The following SCIMP variants were observed in gnomAD, a reference collection of about 807,000 sequenced individuals.
SCIMP encodes the protein SLP adapter and CSK-interacting membrane protein.
A neutral mutation model predicts 22.0 loss-of-function variants in SCIMP; 18 were observed. The ratio of observed to expected loss-of-function variants is 0.82; its 90% CI spans 0.56 to 1.21. The LOEUF is 1.21. SCIMP is among the 50% of genes most tolerant of loss of function. The pLI is 0.00. For synonymous variants in SCIMP, 53 were observed against 62.2 expected (o/e 0.85, Z 0.70); for missense variants, 155 against 171.2 (o/e 0.91, Z 0.53).
In SCIMP at chr17:5,214,905, TAC is replaced by T; in HGVS notation, c.283+18_283+19del. The T allele has an allele frequency of 8.8e-7, 1 of 1,132,012 alleles. No individual in the cohort carries two copies. Among genetic ancestry groups the T allele is most frequent in the Non-Finnish European group, 1.3e-6 (1 of 764,674 alleles). 70.1% of individuals were successfully genotyped at this position (1,132,012 alleles called of 1,614,324 possible). A position where few individuals can be genotyped will look rare whatever the true frequency, so the allele number is the denominator to read the frequency against. ...GTTATCTTACCCTAAATGAAACTGC[TAC>T]CAGTAAAATATACTTACAAGAGTCT... On this transcript the variant is annotated intron_variant, in intron 4 of 4. Coordinates refer to ENST00000574081, the MANE Select transcript of SCIMP (RefSeq NM_207103.3).
intron 3 of SCIMP, among the ~76,000 whole-genome samples, chr17:5,219,171 T>G (rs1279063733): frequency 1.3e-5 from 2 of 150,282 alleles, no homozygotes; most frequent in Non-Finnish European, 3.0e-5. Flanking sequence ...TACAAAAAAT[T>G]AGCCAGGTGT....
chr17:5,219,482 G>C lies in SCIMP; in HGVS notation c.209+1805C>G, dbSNP rs561245458. Among the ~76,000 whole-genome samples, 5 of 151,846 alleles carry C rather than the reference G, an allele frequency of 3.3e-5. No individual in the cohort carries two copies. In the South Asian group the frequency reaches 1.0e-3, roughly 32 times the overall value. On this transcript the variant is annotated intron_variant, in intron 3 of 4. Coordinates refer to ENST00000574081, the MANE Select transcript of SCIMP (RefSeq NM_207103.3). ...ATCTCTACTAAAAATACAAAAATTA[G>C]CTGGGCATAGTGGCAGGTGCCTGTA...
At position 5,210,786 on chromosome 17, in the gene SCIMP, G is replaced by A; in HGVS notation, c.*15C>T. ...GAACCCTCTTCAGTTTTGCCAAAAA[G>A]AAGAAATGGCTGTTTCAAAATGATG... On this transcript the variant is annotated 3_prime_UTR_variant, in exon 5 of 5. Coordinates refer to ENST00000574081, the MANE Select transcript of SCIMP (RefSeq NM_207103.3). The A allele has an allele frequency of 6.2e-7, 1 of 1,601,222 alleles. No individual in the cohort carries two copies. Among genetic ancestry groups the A allele is most frequent in the Non-Finnish European group, 8.5e-7 (1 of 1,176,618 alleles).
At chr17:5,224,445 TG>T (rs1286874184) in intron 1 of SCIMP, among the ~76,000 whole-genome samples, 27 of 716 alleles carry the variant, frequency 0.038, no homozygotes, top group East Asian at 0.5. Context: ...CCAGTTTTTT[TG>T]TTTGTTTGTT....
intron 1 of SCIMP, 59 bp downstream of exon 1, chr17:5,234,676 G>GAA: frequency 1.9e-6 from 3 of 1,580,412 alleles, no homozygotes; most frequent in Non-Finnish European, 2.6e-6. Flanking sequence ...TGCCAGCGCT[G>GAA]GCAGATGTCT....
At chr17:5,212,434 A>T (rs901737053) in intron 4 of SCIMP, among the ~76,000 whole-genome samples, 1 of 152,164 alleles carries the variant, frequency 6.6e-6, no homozygotes, top group Non-Finnish European at 1.5e-5. Context: ...GGAGATCGAG[A>T]TCATCCTTGC....
intron 4 of SCIMP, among the ~76,000 whole-genome samples, chr17:5,212,386 G>A (rs1284588839): frequency 6.6e-6 from 1 of 152,202 alleles, no homozygotes; most frequent in African/African-American, 2.4e-5. Flanking sequence ...TGTAATCCCA[G>A]CACTTTGGGA....
At chr17:5,218,789 G>T (rs11652138) in intron 3 of SCIMP, among the ~76,000 whole-genome samples, 114,483 of 151,996 alleles carry the variant, frequency 0.75, 43,967 homozygotes, top group Non-Finnish European at 0.83. Context: ...TAGAAAAGCA[G>T]AGATTTAAAA....
intron 1 of SCIMP, among the ~76,000 whole-genome samples, chr17:5,227,002 A>C (rs2074654321): frequency 6.6e-6 from 1 of 152,098 alleles, no homozygotes; most frequent in Admixed American, 6.6e-5. Context: ...CAGGGAGTAC[A>C]CAATGGCTGC....
At chr17:5,232,033 G>A (rs943121115) in intron 1 of SCIMP, among the ~76,000 whole-genome samples, 1 of 151,524 alleles carries the variant, frequency 6.6e-6, no homozygotes, top group Non-Finnish European at 1.5e-5. Context: ...TCCAGCCTGG[G>A]CGACAGAGCG....
At chr17:5,226,056 C>G (rs988799792) in intron 1 of SCIMP, among the ~76,000 whole-genome samples, 1 of 152,082 alleles carries the variant, frequency 6.6e-6, no homozygotes, top group African/African-American at 2.4e-5. Flanking sequence ...GGTGTGAGAA[C>G]AGAGGAAAAA....
intron 3 of SCIMP, among the ~76,000 whole-genome samples, chr17:5,216,980 C>T (rs1361389422): frequency 6.6e-6 from 1 of 152,154 alleles, no homozygotes; most frequent in Non-Finnish European, 1.5e-5. Flanking sequence ...ACTGATTTGA[C>T]TCCTATATGC....
chr17:5,222,312 T>C (rs1238997905), intron 2 of SCIMP, among the ~76,000 whole-genome samples: 1 of 151,762 alleles, frequency 6.6e-6, no homozygotes, highest in Non-Finnish European at 1.5e-5. Flanking sequence ...AGGATGGTCT[T>C]GATCTCCTCA....
chr17:5,228,316 A>C (rs539737266), intron 1 of SCIMP, among the ~76,000 whole-genome samples: 5 of 149,258 alleles, frequency 3.3e-5, no homozygotes, highest in African/African-American at 1.2e-4. Context: ...ACTGCACTGC[A>C]GCCTGGGTGA....
At chr17:5,222,619 C>T (rs577130412) in intron 2 of SCIMP, among the ~76,000 whole-genome samples, 61 of 152,260 alleles carry the variant, frequency 4.0e-4, no homozygotes, top group African/African-American at 1.4e-3. Flanking sequence ...GGTGGCCAAA[C>T]ATGTTGGCTG....
intron 1 of SCIMP, among the ~76,000 whole-genome samples, chr17:5,227,140 G>A (rs367595052): frequency 2.6e-5 from 4 of 152,010 alleles, no homozygotes; most frequent in African/African-American, 7.2e-5. Flanking sequence ...CTGAAGGATC[G>A]CAAAGAAGTG....
intron 4 of SCIMP, 26 bp from the exon 5 acceptor site, chr17:5,210,981 A>T (rs2074522391): frequency 2.5e-6 from 4 of 1,585,440 alleles, no homozygotes; most frequent in Non-Finnish European, 3.4e-6. Context: ...AGCTCCTTAG[A>T]TGCAAAGCTG....
At chr17:5,212,636 AAAAC>A (rs1280152495) in intron 4 of SCIMP, among the ~76,000 whole-genome samples, 16 of 152,304 alleles carry the variant, frequency 1.1e-4, no homozygotes, top group Admixed American at 1.0e-3. Context: ...TCCATCTCAA[AAAAC>A]AAACAAACAA....
intron 1 of SCIMP, among the ~76,000 whole-genome samples, chr17:5,227,912 T>C (rs1417521524): frequency 1.3e-5 from 2 of 152,168 alleles, no homozygotes; most frequent in Non-Finnish European, 2.9e-5. Context: ...CGGTGGCTCA[T>C]GCCTGTAATC....
Sources: gnomAD v4.1 joint callset for allele counts (sites outside exome capture counted in the v4.1 genomes callset) on GRCh38, gnomAD v4.1.1 for gene constraint, MANE v1.5 for transcripts, NCBI Gene and HGNC (gene_info 2026-07-23, HGNC 2026-07-21) for gene names.